ZNF521: variants seen among roughly 807,000 people sequenced by gnomAD.
The protein encoded by ZNF521 is LYST-interacting protein 3.
Under a neutral mutation model 105.5 loss-of-function variants are expected in ZNF521, and 14 were observed. The observed-to-expected ratio is 0.13, with a 90% CI of 0.09 to 0.21. The LOEUF (loss-of-function observed/expected upper bound fraction) is 0.21. Ranked by LOEUF, ZNF521 falls within the 10% of genes least tolerant of loss-of-function variation. The pLI, the probability that ZNF521 is intolerant of heterozygous loss-of-function variation, is 1.00. For missense variants in ZNF521, 1,233 were observed against 1,629.7 expected (o/e 0.76, Z 4.19); for synonymous variants, 635 against 606.0 (o/e 1.05, Z -0.70).
intron 5 of ZNF521, among the ~76,000 whole-genome samples, chr18:25,165,369 A>G (rs2035320774): frequency 1.3e-5 from 2 of 152,218 alleles, no homozygotes; most frequent in African/African-American, 4.8e-5. Context: ...AACACGGAGC[A>G]GAAGTCTTCA....
rs536430748 is a variant in ZNF521, at chr18:25,262,989, GCA to G, written c.221-35294_221-35293del. On this transcript the variant is annotated intron_variant, in intron 3 of 7. Transcript: ENST00000361524. ...GTGAGTAACTGTGAAGCAGGACAGA[GCA>G]CAGAGTACTAGAAACGGCCAGTGGA... is the stretch of plus-strand genomic sequence containing the variant. Among the ~76,000 whole-genome samples the G allele has an allele frequency of 1.3e-4, 20 of 152,304 alleles. No individual in the cohort carries two copies. In the East Asian group the frequency reaches 3.5e-3, roughly 26 times the overall value.
chr18:25,143,330 T>C (rs1319908622), intron 5 of ZNF521, among the ~76,000 whole-genome samples: 1 of 152,178 alleles, frequency 6.6e-6, no homozygotes, highest in Non-Finnish European at 1.5e-5. Context: ...GACGGGGATA[T>C]AACTACCAAT....
In ZNF521 at chr18:25,223,016, G is replaced by A. The variant is rs180968844; in HGVS notation, c.3573+1329C>T. Among the ~76,000 whole-genome samples, 27 of 152,286 alleles carry A rather than the reference G, an allele frequency of 1.8e-4. No individual in the cohort carries two copies. In the East Asian group the frequency reaches 4.4e-3, roughly 25 times the overall value. Reference sequence around the variant, plus strand: ...GATACCCATACACAGGCACACATACGTGTTCGCTGTGTTGGTCCTTTAACT... The same window carrying A: ...GATACCCATACACAGGCACACATACATGTTCGCTGTGTTGGTCCTTTAACT... On this transcript the variant is annotated intron_variant, in intron 4 of 7. Transcript: ENST00000361524.
chr18:25,138,804 G>GT (rs1175607352), intron 5 of ZNF521, among the ~76,000 whole-genome samples: 2 of 152,104 alleles, frequency 1.3e-5, no homozygotes, highest in Non-Finnish European at 1.5e-5. Context: ...TCATTTCCAC[G>GT]TATCAATTTG....
chr18:25,227,007 T>C lies in ZNF521; in HGVS notation c.911A>G (p.His304Arg). 3 of 1,614,168 alleles carry C rather than the reference T, an allele frequency of 1.9e-6. No individual in the cohort carries two copies. Among genetic ancestry groups the C allele is most frequent in the Non-Finnish European group, 2.5e-6 (3 of 1,180,000 alleles). Residue 304 changes from histidine to arginine, a missense_variant, in exon 4 of 8, where the codon CAT (histidine) becomes CGT (arginine). This residue lies in a region of ZNF521 where 380 missense variants were observed against 478.0 expected (regional missense o/e 0.80). Transcript: ENST00000361524. This position sits in a 1 kb window ranked among gnomAD's most constrained non-coding sequence, Gnocchi z 5.7. ...TSLMNHMEQV[H>R]SGEKKNSCSI... Reference sequence around the variant, plus strand: ...GCATGAGTTCTTCTTCTCCCCGCTATGCACCTGCTCCATGTGGTTCATGAG... The same window carrying C: ...GCATGAGTTCTTCTTCTCCCCGCTACGCACCTGCTCCATGTGGTTCATGAG...
In ZNF521 at chr18:25,227,405, G is replaced by C; in HGVS notation, c.513C>G (p.Asp171Glu). 1 of 1,614,122 alleles carries C rather than the reference G, an allele frequency of 6.2e-7. No individual in the cohort carries two copies. Residue 171 changes from aspartate (D) to glutamate (E), a missense_variant, in exon 4 of 8, where the codon GAC becomes GAG. This residue lies in a region of ZNF521 where 85 missense variants were observed against 162.2 expected (regional missense o/e 0.52). Coordinates refer to ENST00000361524, the MANE Select transcript of ZNF521 (RefSeq NM_015461.3). This position sits in a 1 kb window ranked among gnomAD's most constrained non-coding sequence, Gnocchi z 5.7. ...CACATTCACTGCAGTGGTACTTCTT[G>C]TCCCCGGTGTGGAGTTTTATGTGGC... is the stretch of plus-strand genomic sequence containing the variant. ...RDRHIKLHTG[D>E]KKYHCSECDA...
At chr18:25,220,931 A>C (rs1409751824) in intron 4 of ZNF521, among the ~76,000 whole-genome samples, 1 of 152,168 alleles carries the variant, frequency 6.6e-6, no homozygotes, top group Non-Finnish European at 1.5e-5. Context: ...AAATGTCAAT[A>C]ACTGCAAGGT....
chr18:25,088,441 G>A (rs925442293), intron 7 of ZNF521, among the ~76,000 whole-genome samples: 3 of 151,588 alleles, frequency 2.0e-5, no homozygotes, highest in Admixed American at 6.6e-5. Flanking sequence ...GGATGGTATC[G>A]ATCTCCTGAC....
At chr18:25,333,243 ATTTGT>A (rs1913681842) in intron 2 of ZNF521, among the ~76,000 whole-genome samples, 2 of 150,820 alleles carry the variant, frequency 1.3e-5, no homozygotes, top group African/African-American at 4.9e-5. Context: ...ACCTATATTT[ATTTGT>A]TTTGCTTTTT....
At chr18:25,090,149 A>G (rs899378056) in intron 6 of ZNF521, among the ~76,000 whole-genome samples, 10 of 152,314 alleles carry the variant, frequency 6.6e-5, no homozygotes, top group African/African-American at 2.2e-4. Flanking sequence ...AACATGTTCA[A>G]TTTTAATGAC....
intron 5 of ZNF521, among the ~76,000 whole-genome samples, chr18:25,174,627 C>G (rs2035504456): frequency 6.6e-6 from 1 of 152,220 alleles, no homozygotes; most frequent in African/African-American, 2.4e-5. Flanking sequence ...CGTGGACACA[C>G]AGACTCACCC....
chr18:25,279,822 C>T (rs928304699), intron 3 of ZNF521, among the ~76,000 whole-genome samples: 2 of 152,168 alleles, frequency 1.3e-5, no homozygotes, highest in South Asian at 2.1e-4. Context: ...CACCAGAACC[C>T]TCCATGGAAT....
chr18:25,348,609 C>CA (rs1914565128), intron 2 of ZNF521, among the ~76,000 whole-genome samples: 1 of 152,160 alleles, frequency 6.6e-6, no homozygotes, highest in Non-Finnish European at 1.5e-5. Flanking sequence ...TAGGAGAGAA[C>CA]AGCACTGTGT....
intron 5 of ZNF521, among the ~76,000 whole-genome samples, chr18:25,116,982 T>G (rs2034331428): frequency 6.9e-6 from 1 of 145,152 alleles, no homozygotes; most frequent in African/African-American, 2.5e-5. Context: ...TGTATATATA[T>G]ATACACACAC....
intron 7 of ZNF521, chr18:25,082,517 GTT>G: frequency 2.2e-6 from 1 of 446,012 alleles, no homozygotes; most frequent in Non-Finnish European, 4.5e-6. Context: ...AGGGTTTTGA[GTT>G]TTATATTTTG....
chr18:25,106,315 T>C (rs1312311802), intron 5 of ZNF521, among the ~76,000 whole-genome samples: 3 of 152,152 alleles, frequency 2.0e-5, no homozygotes, highest in East Asian at 1.9e-4. Context: ...CTGAGTTGAT[T>C]TGGAAAATAC....
At chr18:25,202,542 A>T (rs2036011062) in intron 4 of ZNF521, 1 of 152,238 alleles carries the variant, frequency 6.6e-6, no homozygotes, top group Admixed American at 6.5e-5. Context: ...GAATGGGAAG[A>T]GAGAAGCGGT....
At chr18:25,221,729 T>C (rs1905739369) in intron 4 of ZNF521, among the ~76,000 whole-genome samples, 1 of 152,198 alleles carries the variant, frequency 6.6e-6, no homozygotes, top group Admixed American at 6.5e-5. Context: ...TATAATAACA[T>C]TTCATTTTAC....
At chr18:25,260,358 T>TG (rs1227205638) in intron 3 of ZNF521, among the ~76,000 whole-genome samples, 1 of 152,008 alleles carries the variant, frequency 6.6e-6, no homozygotes, top group Non-Finnish European at 1.5e-5. Context: ...TCTGGAAATG[T>TG]GGTCAGCATT....
Sources: gnomAD v4.1 joint callset for allele counts (sites outside exome capture counted in the v4.1 genomes callset) on GRCh38, gnomAD v4.1.1 for gene constraint, gnomAD v4.1.1 regional missense constraint, Gnocchi (gnomAD v3.1) non-coding constraint, MANE v1.5 for transcripts, NCBI Gene and HGNC (gene_info 2026-07-23, HGNC 2026-07-21) for gene names.